SYT1: variants seen among roughly 807,000 people sequenced by gnomAD.
SYT1 encodes synaptotagmin-1.
SYT1 carries 8 observed loss-of-function variants against 44.8 expected under a neutral mutation model. That is an observed-to-expected ratio of 0.18 (90% CI 0.10 to 0.32). SYT1 has a LOEUF of 0.32. Among genes scored for constraint, SYT1 ranks in the 10% least tolerant of loss-of-function variants. SYT1 has a pLI of 1.00. For synonymous variants in SYT1, 154 were observed against 188.8 expected (o/e 0.82, Z 1.51); for missense variants, 286 against 509.3 (o/e 0.56, Z 4.22).
At chr12:79,440,143 G>A (rs1409534524) in intron 9 of SYT1, among the ~76,000 whole-genome samples, 3 of 152,104 alleles carry the variant, frequency 2.0e-5, no homozygotes, top group Non-Finnish European at 4.4e-5. Context: ...GCTTGAACCT[G>A]GGAGGCAGAG....
At chr12:79,340,144 G>T (rs1246746748) in intron 8 of SYT1, among the ~76,000 whole-genome samples, 2 of 152,146 alleles carry the variant, frequency 1.3e-5, no homozygotes, top group African/African-American at 4.8e-5. Flanking sequence ...GGATGTCTTG[G>T]CAATGCGGGC....
intron 1 of SYT1, among the ~76,000 whole-genome samples, chr12:78,973,938 A>T (rs12829110): frequency 2.3e-3 from 58 of 25,264 alleles, no homozygotes; most frequent in Admixed American, 5.3e-3. Context: ...AAAAAAAAAA[A>T]ATATATATAT....
intron 8 of SYT1, among the ~76,000 whole-genome samples, chr12:79,319,900 A>G (rs1288290295): frequency 2.6e-5 from 4 of 152,210 alleles, no homozygotes; most frequent in Admixed American, 1.3e-4. Flanking sequence ...AGGAGCATGG[A>G]GTAGAATATC....
At chr12:78,922,737 A>G in intron 1 of SYT1, among the ~76,000 whole-genome samples, 1 of 152,064 alleles carries the variant, frequency 6.6e-6, no homozygotes, top group South Asian at 2.1e-4. Context: ...TCTTTAAGGA[A>G]ATTGTTAACT....
intron 4 of SYT1, among the ~76,000 whole-genome samples, chr12:79,232,083 CAAT>C (rs1284613829): frequency 6.6e-6 from 1 of 152,222 alleles, no homozygotes; most frequent in East Asian, 1.9e-4. Flanking sequence ...AAAATAAAGA[CAAT>C]AATAGTACTT....
intron 1 of SYT1, among the ~76,000 whole-genome samples, chr12:78,921,749 G>A (rs980063782): frequency 6.6e-6 from 1 of 151,876 alleles, no homozygotes; most frequent in African/African-American, 2.4e-5. Flanking sequence ...ACATGGCGCT[G>A]CTGAGATAAT....
intron 2 of SYT1, among the ~76,000 whole-genome samples, chr12:79,008,134 A>G (rs886551442): frequency 1.3e-5 from 2 of 152,094 alleles, no homozygotes; most frequent in African/African-American, 2.4e-5. Context: ...CCATTTGTAT[A>G]GCATGGTCAG....
intron 2 of SYT1, among the ~76,000 whole-genome samples, chr12:79,035,387 G>A (rs1038562118): frequency 3.3e-5 from 5 of 151,728 alleles, no homozygotes; most frequent in Admixed American, 2.6e-4. Flanking sequence ...AATGTGCAGA[G>A]TTTAGGCAGT....
chr12:79,011,104 T>A (rs1871380263), intron 2 of SYT1, among the ~76,000 whole-genome samples: 2 of 152,184 alleles, frequency 1.3e-5, no homozygotes, highest in South Asian at 4.1e-4. Flanking sequence ...TGCATTAGAA[T>A]ATAATATGAA....
intron 1 of SYT1, among the ~76,000 whole-genome samples, chr12:78,890,255 C>T (rs972865929): frequency 6.6e-6 from 1 of 151,814 alleles, no homozygotes; most frequent in Non-Finnish European, 1.5e-5. Context: ...ATAGTGTTGT[C>T]TCTGACTCAC....
At chr12:79,355,048 C>G (rs867642942) in intron 9 of SYT1, among the ~76,000 whole-genome samples, 2 of 152,190 alleles carry the variant, frequency 1.3e-5, no homozygotes, top group South Asian at 4.2e-4. Context: ...TTCCGGGGTC[C>G]CAGAAATGAG....
chr12:79,340,036 G>T (rs1285249151), intron 8 of SYT1, among the ~76,000 whole-genome samples: 1 of 152,196 alleles, frequency 6.6e-6, no homozygotes, highest in African/African-American at 2.4e-5. Context: ...CTATATGTCT[G>T]TTTTGGTACC....
intron 9 of SYT1, among the ~76,000 whole-genome samples, chr12:79,441,245 GT>G (rs141327067): frequency 0.025 from 3,851 of 152,226 alleles, 153 homozygotes; most frequent in African/African-American, 0.084. Context: ...GAGACTTCCC[GT>G]TTATAGCAGT....
At chr12:79,408,255 C>T (rs1349818519) in intron 9 of SYT1, among the ~76,000 whole-genome samples, 1 of 151,994 alleles carries the variant, frequency 6.6e-6, no homozygotes, top group Non-Finnish European at 1.5e-5. Context: ...AATAATATGC[C>T]CAAGATCCCA....
intron 2 of SYT1, among the ~76,000 whole-genome samples, chr12:79,004,163 A>G (rs1424358639): frequency 2.0e-5 from 3 of 151,966 alleles, no homozygotes; most frequent in Non-Finnish European, 4.4e-5. Context: ...TATTCGATTT[A>G]CAGTTATTAG....
rs182573746 is a variant in SYT1 at position 78,969,202 on chromosome 12, C to T, written c.-216-8597C>T. 5.7e-4 allele frequency among the ~76,000 whole-genome samples: 87 copies of T among 152,106 alleles called. 1 individual carries two copies. The highest frequency in any genetic ancestry group is 2.1e-3 in the South Asian group (10 of 4,822). Reference sequence around the variant, plus strand: ...GAGATAAAGTATACTGGAAGATGTACGTAGGTTATATTCAAATACTACAAC... The same window carrying T: ...GAGATAAAGTATACTGGAAGATGTATGTAGGTTATATTCAAATACTACAAC... On this transcript the variant is annotated intron_variant, in intron 1 of 10. Coordinates refer to ENST00000261205, the MANE Select transcript of SYT1 (RefSeq NM_005639.3).
intron 9 of SYT1, among the ~76,000 whole-genome samples, chr12:79,386,341 GTTTTCTT>G (rs1163394430): frequency 3.3e-5 from 5 of 150,000 alleles, no homozygotes. Context: ...GTATTCATTA[GTTTTCTT>G]TTTTCTTTTT....
At chr12:79,075,441 G>A (rs921212537) in intron 3 of SYT1, among the ~76,000 whole-genome samples, 3 of 152,102 alleles carry the variant, frequency 2.0e-5, no homozygotes, top group African/African-American at 7.2e-5. Flanking sequence ...TTGATGAATA[G>A]TTGCCAAAGA....
chr12:79,205,431 A>G (rs1874063335), intron 3 of SYT1, among the ~76,000 whole-genome samples: 1 of 152,210 alleles, frequency 6.6e-6, no homozygotes. Flanking sequence ...CTTTTAAAAT[A>G]AATATGGTTT....
Sources: allele counts gnomAD v4.1 joint callset (sites outside exome capture counted in the v4.1 genomes callset), GRCh38; gene constraint gnomAD v4.1.1; transcripts MANE v1.5; gene names NCBI Gene and HGNC (gene_info 2026-07-23, HGNC 2026-07-21).